The following ST6GALNAC3 variants were observed in gnomAD, a reference collection of about 807,000 sequenced individuals.
ST6GALNAC3 encodes alpha-N-acetylgalactosaminide alpha-2,6-sialyltransferase 3.
Under a neutral mutation model 32.7 loss-of-function variants are expected in ST6GALNAC3, and 25 were observed. The observed-to-expected ratio is 0.76, with a 90% CI of 0.56 to 1.07. The LOEUF (loss-of-function observed/expected upper bound fraction) is 1.07, where lower values mean the gene tolerates loss of function less well. ST6GALNAC3 is among the 50% of genes least tolerant of loss of function. The pLI, the probability that ST6GALNAC3 is intolerant of heterozygous loss-of-function variation, is 0.00. For missense variants in ST6GALNAC3, 355 were observed against 382.4 expected (o/e 0.93, Z 0.60); for synonymous variants, 129 against 133.1 (o/e 0.97, Z 0.21).
intron 1 of ST6GALNAC3, among the ~76,000 whole-genome samples, chr1:76,302,233 C>T (rs1374330895): frequency 6.6e-6 from 1 of 152,090 alleles, no homozygotes; most frequent in African/African-American, 2.4e-5. Flanking sequence ...CATTATTTCA[C>T]ATGGTCACCT....
intron 3 of ST6GALNAC3, among the ~76,000 whole-genome samples, chr1:76,464,531 C>A (rs531843645): frequency 1.1e-3 from 171 of 152,274 alleles, no homozygotes; most frequent in Non-Finnish European, 1.8e-3. Context: ...ACTTTGCTGA[C>A]AAGTTGACCA....
intron 1 of ST6GALNAC3, among the ~76,000 whole-genome samples, chr1:76,105,998 T>G (rs1647503477): frequency 6.6e-6 from 1 of 152,178 alleles, no homozygotes; most frequent in South Asian, 2.1e-4. Context: ...TGTGTGCAGG[T>G]ATTTGCTCTG....
At chr1:76,429,582 A>G (rs1209377738) in intron 3 of ST6GALNAC3, among the ~76,000 whole-genome samples, 1 of 152,102 alleles carries the variant, frequency 6.6e-6, no homozygotes, top group Non-Finnish European at 1.5e-5. Context: ...TCATATTGAA[A>G]ACAGTATAGG....
intron 2 of ST6GALNAC3, among the ~76,000 whole-genome samples, chr1:76,336,924 T>C (rs1235529627): frequency 6.6e-6 from 1 of 152,176 alleles, no homozygotes; most frequent in Non-Finnish European, 1.5e-5. Flanking sequence ...GTCTGTGGTG[T>C]ATTTGTGAAC....
chr1:76,592,806 G>T (rs543721172), intron 3 of ST6GALNAC3, among the ~76,000 whole-genome samples: 32 of 152,248 alleles, frequency 2.1e-4, no homozygotes, highest in South Asian at 1.0e-3. Flanking sequence ...CAGAATAAAT[G>T]CCAAGAGACA....
At chr1:76,300,704 C>T (rs937323368) in intron 1 of ST6GALNAC3, among the ~76,000 whole-genome samples, 65 of 152,010 alleles carry the variant, frequency 4.3e-4, no homozygotes, top group African/African-American at 1.5e-3. Flanking sequence ...GATTGATTAG[C>T]AATGTCTGCC....
Position 76,633,467 on chromosome 1 carries a change from C to T in ST6GALNAC3, c.*4661C>T, listed in dbSNP as rs1649396014. On this transcript the variant is annotated 3_prime_UTR_variant, in exon 5 of 5. Transcript: ENST00000328299. ...GTTCTGTTATCACAAAATTCTAGGA[C>T]TTGTTTAAAGAACTTAAAGGTCAGT... is the stretch of plus-strand genomic sequence containing the variant. The T allele has an allele frequency of 6.6e-6, 1 of 152,148 alleles. No individual in the cohort carries two copies. Among genetic ancestry groups the T allele is most frequent in the Non-Finnish European group, 1.5e-5 (1 of 68,014 alleles). The allele number at this position is 152,148 out of a possible 1,614,324, so 9.4% of individuals were successfully genotyped here. A position where few individuals can be genotyped will look rare whatever the true frequency, so the allele number is the denominator to read the frequency against.
intron 1 of ST6GALNAC3, among the ~76,000 whole-genome samples, chr1:76,197,130 C>G (rs1001298909): frequency 9.9e-5 from 15 of 152,212 alleles, no homozygotes; most frequent in Admixed American, 2.6e-4. Context: ...AGCTCCCTGA[C>G]TTATATCACA....
chr1:76,430,702 T>C (rs1189081787), intron 3 of ST6GALNAC3, among the ~76,000 whole-genome samples: 1 of 152,178 alleles, frequency 6.6e-6, no homozygotes, highest in Non-Finnish European at 1.5e-5. Context: ...ATCTTTTATG[T>C]ACAGTTCCAG....
chr1:76,261,402 A>G (rs949694188), intron 1 of ST6GALNAC3, among the ~76,000 whole-genome samples: 7 of 152,140 alleles, frequency 4.6e-5, no homozygotes, highest in Admixed American at 6.5e-5. Flanking sequence ...CTCTACCACT[A>G]TGGGACCCAT....
chr1:76,436,427 G>A (rs1656148193), intron 3 of ST6GALNAC3, among the ~76,000 whole-genome samples: 1 of 152,044 alleles, frequency 6.6e-6, no homozygotes, highest in South Asian at 2.1e-4. Flanking sequence ...TGGTTATTGA[G>A]GTATACTGAG....
intron 1 of ST6GALNAC3, among the ~76,000 whole-genome samples, chr1:76,247,897 G>C (rs1055328043): frequency 6.6e-6 from 1 of 151,956 alleles, no homozygotes; most frequent in South Asian, 2.1e-4. Flanking sequence ...AGCTAGCTTG[G>C]TGTCTGCCCA....
At chr1:76,603,152 T>C (rs1330417140) in intron 3 of ST6GALNAC3, among the ~76,000 whole-genome samples, 1 of 152,176 alleles carries the variant, frequency 6.6e-6, no homozygotes, top group African/African-American at 2.4e-5. Flanking sequence ...TTGGTCCCAA[T>C]CCCTTGGAAA....
intron 2 of ST6GALNAC3, among the ~76,000 whole-genome samples, chr1:76,324,974 G>A (rs938180977): frequency 2.0e-5 from 3 of 151,982 alleles, no homozygotes; most frequent in South Asian, 2.1e-4. Flanking sequence ...GGGTACATGT[G>A]CACAACGTGC....
rs530778450 is a variant in ST6GALNAC3, at chr1:76,264,770, T to A, written c.19-49035T>A. The stretch of plus-strand genomic sequence containing the variant: ...AATTAATAGAGCCATTAAACCTCTC[T>A]GAAATAGTAGTAGTGGATAGTGTGA... On this transcript the variant is annotated intron_variant, in intron 1 of 4. Coordinates refer to ENST00000328299, the MANE Select transcript of ST6GALNAC3 (RefSeq NM_152996.4). Among the ~76,000 whole-genome samples the A allele has an allele frequency of 1.1e-3, 168 of 152,148 alleles. 1 individual carries two copies. Among genetic ancestry groups the A allele is most frequent in the Admixed American group, 2.4e-3 (37 of 15,266 alleles).
chr1:76,233,403 A>G (rs1005644177), intron 1 of ST6GALNAC3, among the ~76,000 whole-genome samples: 7 of 152,244 alleles, frequency 4.6e-5, no homozygotes, highest in Admixed American at 6.5e-5. Context: ...CTAAAGAAGC[A>G]TACAAGTAAG....
At chr1:76,352,714 G>T (rs1649095417) in intron 2 of ST6GALNAC3, among the ~76,000 whole-genome samples, 1 of 151,920 alleles carries the variant, frequency 6.6e-6, no homozygotes, top group South Asian at 2.1e-4. Flanking sequence ...ATATTTCCAT[G>T]TGGATGTATA....
intron 1 of ST6GALNAC3, among the ~76,000 whole-genome samples, chr1:76,158,969 G>A (rs434302): frequency 0.75 from 114,376 of 152,004 alleles, 45,971 homozygotes; most frequent in East Asian, 1. Flanking sequence ...CAGGCCCTTC[G>A]TCATGTCATG....
chr1:76,617,351 T>G (rs985467744), intron 3 of ST6GALNAC3, among the ~76,000 whole-genome samples: 1 of 151,902 alleles, frequency 6.6e-6, no homozygotes, highest in Non-Finnish European at 1.5e-5. Flanking sequence ...TATTCCAACC[T>G]GTTACAATCT....
Sources: gnomAD v4.1 joint callset for allele counts (sites outside exome capture counted in the v4.1 genomes callset) on GRCh38, gnomAD v4.1.1 for gene constraint, MANE v1.5 for transcripts, NCBI Gene and HGNC (gene_info 2026-07-23, HGNC 2026-07-21) for gene names.